INPP5A: variants seen among roughly 807,000 people sequenced by gnomAD.
INPP5A encodes the protein inositol polyphosphate-5-phosphatase A.
In INPP5A, 14 loss-of-function variants were observed where a neutral mutation model predicts 65.2. That is an observed-to-expected ratio of 0.21 (90% confidence interval 0.14 to 0.34). INPP5A has a LOEUF of 0.34. Among genes scored for constraint, INPP5A ranks in the 10% least tolerant of loss-of-function variants. The pLI is 1.00. For synonymous variants in INPP5A, 207 were observed against 208.3 expected (o/e 0.99, Z 0.05); for missense variants, 431 against 545.6 (o/e 0.79, Z 2.09).
At chr10:132,552,545 T>G (rs1215729556) in intron 1 of INPP5A, among the ~76,000 whole-genome samples, 9 of 124,186 alleles carry the variant, frequency 7.2e-5, no homozygotes, top group East Asian at 2.7e-4. Context: ...AGAGCCTTGG[T>G]GGAATATTGA....
At chr10:132,738,812 T>A (rs1372711295) in intron 9 of INPP5A, among the ~76,000 whole-genome samples, 1 of 152,136 alleles carries the variant, frequency 6.6e-6, no homozygotes, top group Non-Finnish European at 1.5e-5. Context: ...GACGCCAACA[T>A]CTCCCCATGA....
At chr10:132,641,260 C>T (rs765037292) in intron 2 of INPP5A, among the ~76,000 whole-genome samples, 16 of 152,280 alleles carry the variant, frequency 1.1e-4, no homozygotes, top group Middle Eastern at 3.4e-3. Context: ...CAAACAATGT[C>T]GGGATTTAAA....
At chr10:132,561,052 C>CTTTT (rs758540879) in intron 1 of INPP5A, among the ~76,000 whole-genome samples, 3 of 126,968 alleles carry the variant, frequency 2.4e-5, no homozygotes, top group Non-Finnish European at 3.3e-5. Context: ...GTTTGAAGCA[C>CTTTT]TTTTTTTTTT....
In INPP5A at chr10:132,644,997, C is replaced by T. The variant is rs2072474569; in HGVS notation, c.118-871C>T. Among the ~76,000 whole-genome samples, 1 of 152,154 alleles carries T rather than the reference C, an allele frequency of 6.6e-6. No individual in the cohort carries two copies. Among genetic ancestry groups the T allele is most frequent in the South Asian group, 2.1e-4 (1 of 4,816 alleles). Reference sequence around the variant, plus strand: ...AGGAGGGGAGGCCATGTCGATACTGCATCCGCTCTCTGAATTCTCTGCCCG... The same window carrying T: ...AGGAGGGGAGGCCATGTCGATACTGTATCCGCTCTCTGAATTCTCTGCCCG... On this transcript the variant is annotated intron_variant, in intron 2 of 15. Transcript: ENST00000368594. This position sits in a 1 kb window ranked among gnomAD's most constrained non-coding sequence, Gnocchi z 6.5.
chr10:132,591,009 G>A (rs1026317313), intron 1 of INPP5A, among the ~76,000 whole-genome samples: 1 of 152,220 alleles, frequency 6.6e-6, no homozygotes, highest in Non-Finnish European at 1.5e-5. Context: ...AGGGAAGGTG[G>A]CATCGCCCCA....
At chr10:132,693,769 A>G (rs779084144) in intron 5 of INPP5A, among the ~76,000 whole-genome samples, 3 of 152,232 alleles carry the variant, frequency 2.0e-5, no homozygotes, top group Non-Finnish European at 4.4e-5. Context: ...GAGCTAGGAA[A>G]GTTTTCAGCA....
intron 3 of INPP5A, among the ~76,000 whole-genome samples, chr10:132,646,254 C>T (rs564237622): frequency 2.6e-5 from 4 of 152,174 alleles, no homozygotes; most frequent in Non-Finnish European, 4.4e-5. Context: ...CCAGTGGAGC[C>T]GTCTCCGTGT....
At chr10:132,655,654 A>G (rs933923840) in intron 4 of INPP5A, among the ~76,000 whole-genome samples, 9 of 152,134 alleles carry the variant, frequency 5.9e-5, no homozygotes, top group African/African-American at 1.9e-4. Flanking sequence ...GTTTCACCAC[A>G]GAAGTGGAGC....
intron 13 of INPP5A, among the ~76,000 whole-genome samples, chr10:132,780,548 G>A (rs1847142316): frequency 6.6e-6 from 1 of 152,234 alleles, no homozygotes; most frequent in South Asian, 2.1e-4. Flanking sequence ...GGGAGCTTGG[G>A]AGCCGGGCCA....
rs972653365 is a variant in INPP5A at position 132,753,335 on chromosome 10, T to G, written c.903+3490T>G. On this transcript the variant is annotated intron_variant, in intron 11 of 15. Coordinates refer to ENST00000368594, the MANE Select transcript of INPP5A (RefSeq NM_005539.5). This position sits in a 1 kb window ranked among gnomAD's most constrained non-coding sequence, Gnocchi z 5.3. ...GCAGCCATGGAGAGCAAACTCTCCG[T>G]CCGCAGGATGGATGTGCCTGCGCCG... 1.3e-5 allele frequency among the ~76,000 whole-genome samples: 2 copies of G among 152,190 alleles called. No individual in the cohort carries two copies. The highest frequency in any genetic ancestry group is 2.9e-5 in the Non-Finnish European group (2 of 68,042).
chr10:132,578,859 C>T (rs1409380757), intron 1 of INPP5A, among the ~76,000 whole-genome samples: 1 of 152,068 alleles, frequency 6.6e-6, no homozygotes, highest in African/African-American at 2.4e-5. Context: ...AGCAGAGGGG[C>T]TGCGGCCGTA....
intron 2 of INPP5A, among the ~76,000 whole-genome samples, chr10:132,626,806 G>T (rs1387400244): frequency 6.6e-6 from 1 of 152,216 alleles, no homozygotes; most frequent in Admixed American, 6.5e-5. Context: ...GACTGTGGGA[G>T]GCCCCTTGTT....
At chr10:132,615,872 G>A (rs1393327901) in intron 2 of INPP5A, among the ~76,000 whole-genome samples, 5 of 152,168 alleles carry the variant, frequency 3.3e-5, no homozygotes, top group Non-Finnish European at 1.5e-5. Flanking sequence ...GGGGGTGTCT[G>A]CCGCTCTGGG....
At position 132,603,151 on chromosome 10, in the gene INPP5A, C is replaced by T. The variant is rs1391842999; in HGVS notation, c.76-4764C>T. 2.0e-5 allele frequency among the ~76,000 whole-genome samples: 3 copies of T among 152,184 alleles called. No individual in the cohort carries two copies. The highest frequency in any genetic ancestry group is 2.0e-4 in the Admixed American group (3 of 15,278). ...CTCTCCTGCTGACGTCTCTGCCTTC[C>T]GAAGCTACAAAGGGGAAGAGTTGGG... On this transcript the variant is annotated intron_variant, in intron 1 of 15. Coordinates refer to ENST00000368594, the MANE Select transcript of INPP5A (RefSeq NM_005539.5). The surrounding 1 kb of genome is among the most constrained non-coding windows in gnomAD (Gnocchi z 4.2).
At chr10:132,688,977 ATG>A (rs1173093905) in intron 4 of INPP5A, among the ~76,000 whole-genome samples, 1 of 150,842 alleles carries the variant, frequency 6.6e-6, no homozygotes, top group Admixed American at 6.6e-5. Flanking sequence ...GCATGAGTGT[ATG>A]TGTGCAAGTG....
chr10:132,775,501 C>T (rs1013517065), intron 12 of INPP5A, among the ~76,000 whole-genome samples: 1 of 152,128 alleles, frequency 6.6e-6, no homozygotes, highest in Non-Finnish European at 1.5e-5. Flanking sequence ...CACTGGCCTT[C>T]CCCAGACCCA....
At chr10:132,781,409 A>G (rs1847159078) in intron 14 of INPP5A, among the ~76,000 whole-genome samples, 1 of 152,156 alleles carries the variant, frequency 6.6e-6, no homozygotes, top group Non-Finnish European at 1.5e-5. Flanking sequence ...GACAGATCAA[A>G]TCTCATTTTC....
At chr10:132,719,800 G>A (rs562171823) in intron 8 of INPP5A, among the ~76,000 whole-genome samples, 1 of 151,118 alleles carries the variant, frequency 6.6e-6, no homozygotes, top group South Asian at 2.1e-4. Flanking sequence ...GGGTTCTGTG[G>A]TGCCTGGGTT....
intron 13 of INPP5A, among the ~76,000 whole-genome samples, chr10:132,780,552 C>T (rs566821895): frequency 6.6e-6 from 1 of 152,350 alleles, no homozygotes; most frequent in Non-Finnish European, 1.5e-5. Context: ...GCTTGGGAGC[C>T]GGGCCAGCAC....
Sources: gnomAD v4.1 joint callset for allele counts (sites outside exome capture counted in the v4.1 genomes callset) on GRCh38, gnomAD v4.1.1 for gene constraint, Gnocchi (gnomAD v3.1) non-coding constraint, MANE v1.5 for transcripts, NCBI Gene and HGNC (gene_info 2026-07-23, HGNC 2026-07-21) for gene names.